The following MAPK6 variants were observed in gnomAD, a reference collection of about 807,000 sequenced individuals.
MAPK6 encodes ERK-3.
MAPK6 carries 19 observed loss-of-function variants against 59.3 expected under a neutral mutation model. That is an observed-to-expected ratio of 0.32 (90% confidence interval 0.22 to 0.47). The LOEUF (loss-of-function observed/expected upper bound fraction) is 0.47. Among genes scored for constraint, MAPK6 ranks in the 20% least tolerant of loss-of-function variants. The pLI is 1.00. For synonymous variants in MAPK6, 316 were observed against 290.3 expected (o/e 1.09, Z -0.90); for missense variants, 724 against 847.9 (o/e 0.85, Z 1.81).
At chr15:52,032,883 C>T (rs2031094333) in intron 1 of MAPK6, among the ~76,000 whole-genome samples, 1 of 152,102 alleles carries the variant, frequency 6.6e-6, no homozygotes, top group Non-Finnish European at 1.5e-5. Context: ...AGGGGTTTCT[C>T]CATGTTGGTC....
chr15:52,062,522 T>C (rs1300146324), intron 5 of MAPK6, among the ~76,000 whole-genome samples: 1 of 152,094 alleles, frequency 6.6e-6, no homozygotes, highest in Non-Finnish European at 1.5e-5. Flanking sequence ...CCCAGCACTT[T>C]GCGAGGCTGA....
intron 1 of MAPK6, among the ~76,000 whole-genome samples, chr15:52,028,819 C>G (rs577548434): frequency 6.6e-6 from 1 of 152,320 alleles, no homozygotes; most frequent in East Asian, 1.9e-4. Context: ...GCTCTCTCCA[C>G]TTCCCTTTGC....
intron 3 of MAPK6, among the ~76,000 whole-genome samples, chr15:52,006,953 C>T (rs1159266968): frequency 6.6e-6 from 1 of 152,028 alleles, no homozygotes; most frequent in Admixed American, 6.6e-5. Flanking sequence ...AATGTATTTT[C>T]CCCAGAGAAT....
At chr15:52,024,269 T>C (rs994570261) in intron 1 of MAPK6, among the ~76,000 whole-genome samples, 21 of 152,214 alleles carry the variant, frequency 1.4e-4, no homozygotes, top group Admixed American at 1.4e-3. Flanking sequence ...TCTAAGATCT[T>C]GGTACTGAAA....
chr15:52,015,435 C>T (rs2030205010), upstream of MAPK6, among the ~76,000 whole-genome samples: 1 of 151,974 alleles, frequency 6.6e-6, no homozygotes, highest in Non-Finnish European at 1.5e-5. Flanking sequence ...GCCTGAGCCA[C>T]CGCATCTGGC....
chr15:52,000,637 C>T (rs992451310), intron 2 of MAPK6, among the ~76,000 whole-genome samples: 6 of 152,028 alleles, frequency 3.9e-5, no homozygotes, highest in African/African-American at 1.5e-4. Flanking sequence ...GAAACTCCGT[C>T]TCTACTGAAA....
intron 1 of MAPK6, among the ~76,000 whole-genome samples, chr15:51,983,153 G>T (rs545328462): frequency 6.6e-6 from 1 of 152,096 alleles, no homozygotes; most frequent in Admixed American, 6.6e-5. Context: ...ATATCCCAGG[G>T]TCATAAATTT....
At chr15:52,034,346 C>T (rs1237808093) in intron 1 of MAPK6, among the ~76,000 whole-genome samples, 1 of 151,524 alleles carries the variant, frequency 6.6e-6, no homozygotes, top group Non-Finnish European at 1.5e-5. Flanking sequence ...GACAGTCTCG[C>T]TCTGTTACCC....
At chr15:51,972,194 A>G (rs576469246) in intron 1 of MAPK6, among the ~76,000 whole-genome samples, 6 of 152,290 alleles carry the variant, frequency 3.9e-5, no homozygotes, top group African/African-American at 1.4e-4. Flanking sequence ...GCTGGAGTGC[A>G]GTGGCGCGAT....
chr15:51,977,278 C>A (rs991939819), intron 1 of MAPK6, among the ~76,000 whole-genome samples: 6 of 151,662 alleles, frequency 4.0e-5, no homozygotes, highest in Admixed American at 3.3e-4. Context: ...GCTAGGATTA[C>A]AGACGTGAGC....
At chr15:51,999,066 G>A (rs1240820575) in intron 2 of MAPK6, among the ~76,000 whole-genome samples, 1 of 149,724 alleles carries the variant, frequency 6.7e-6, no homozygotes, top group Non-Finnish European at 1.5e-5. Context: ...CACCACCTCG[G>A]CTCACTGCCG....
At chr15:52,023,106 CAAA>C (rs60315520) in intron 1 of MAPK6, among the ~76,000 whole-genome samples, 4 of 73,652 alleles carry the variant, frequency 5.4e-5, no homozygotes, top group African/African-American at 1.1e-4. Flanking sequence ...GACTCCGTCT[CAAA>C]AAAAAAAAAA....
intron 1 of MAPK6, among the ~76,000 whole-genome samples, chr15:51,976,603 GA>G (rs1465269253): frequency 2.0e-5 from 3 of 151,784 alleles, no homozygotes; most frequent in Non-Finnish European, 4.4e-5. Context: ...AATGTTGTCA[GA>G]TTTCTAAACA....
chr15:52,056,180 G>T (rs2031976064), intron 3 of MAPK6, among the ~76,000 whole-genome samples: 1 of 152,208 alleles, frequency 6.6e-6, no homozygotes, highest in African/African-American at 2.4e-5. Context: ...TCTCTTGTGT[G>T]TCCAGATTGT....
chr15:52,024,878 CTTTTTTTTTTTTTTT>C (rs35983896), intron 1 of MAPK6, among the ~76,000 whole-genome samples: 38 of 84,164 alleles, frequency 4.5e-4, no homozygotes, highest in East Asian at 1.2e-3. Context: ...CATACACTGC[CTTTTTTTTTTTTTTT>C]TTTTTTTTTA....
chr15:51,977,083 A>G (rs1463242142), intron 1 of MAPK6, among the ~76,000 whole-genome samples: 1 of 151,304 alleles, frequency 6.6e-6, no homozygotes, highest in African/African-American at 2.4e-5. Context: ...GGCTCACTGC[A>G]ACCTCTGCCT....
intron 1 of MAPK6, among the ~76,000 whole-genome samples, chr15:52,032,445 C>A (rs2031073528): frequency 6.6e-6 from 1 of 152,040 alleles, no homozygotes; most frequent in Non-Finnish European, 1.5e-5. Context: ...CTGCCTTGGC[C>A]TCCCAAAGTG....
chr15:52,063,119 G>A (rs1364441656), intron 5 of MAPK6, among the ~76,000 whole-genome samples: 1 of 152,114 alleles, frequency 6.6e-6, no homozygotes, highest in East Asian at 1.9e-4. Flanking sequence ...CCAGGCTGGA[G>A]TGCAATGGTG....
At chr15:51,980,222 G>A (rs529993641) in intron 1 of MAPK6, among the ~76,000 whole-genome samples, 1 of 150,462 alleles carries the variant, frequency 6.6e-6, no homozygotes, top group Admixed American at 6.6e-5. Flanking sequence ...TTGAACCTGG[G>A]AGGCAGATGT....
Sources: allele counts gnomAD v4.1 joint callset (sites outside exome capture counted in the v4.1 genomes callset), GRCh38; gene constraint gnomAD v4.1.1; transcripts MANE v1.5; gene names NCBI Gene and HGNC (gene_info 2026-07-23, HGNC 2026-07-21).